The following RBM19 variants were observed in gnomAD, a reference collection of about 807,000 sequenced individuals.
The protein encoded by RBM19 is probable RNA-binding protein 19.
A neutral mutation model predicts 116.8 loss-of-function variants in RBM19; 94 were observed. The observed-to-expected ratio is 0.80, with a 90% CI of 0.68 to 0.95. The LOEUF is 0.95. Ranked by LOEUF, RBM19 falls within the 40% of genes least tolerant of loss-of-function variation. The pLI is 0.00. For synonymous variants in RBM19, 475 were observed against 494.1 expected, an observed-to-expected ratio of 0.96 and a Z score of 0.51; for missense variants, 1,161 against 1,220.7, an observed-to-expected ratio of 0.95 and a Z score of 0.73.
intron 2 of RBM19, 150 bp downstream of exon 2, chr12:113,962,082 T>C: frequency 1.1e-6 from 1 of 939,062 alleles, no homozygotes; most frequent in Non-Finnish European, 1.6e-6. Context: ...AGGTGATTTG[T>C]ATGCACATGA....
At chr12:113,838,147 G>T (rs897530547) in intron 23 of RBM19, among the ~76,000 whole-genome samples, 21 of 152,208 alleles carry the variant, frequency 1.4e-4, no homozygotes, top group African/African-American at 1.7e-4. Context: ...ACACTGGGAG[G>T]GAACCCACCC....
chr12:113,887,063 A>C (rs1451610761), intron 21 of RBM19, among the ~76,000 whole-genome samples: 1 of 152,254 alleles, frequency 6.6e-6, no homozygotes, highest in African/African-American at 2.4e-5. Context: ...AAAAATCACA[A>C]GAATAACATT....
chr12:113,895,707 A>G (rs1324160028), intron 21 of RBM19, among the ~76,000 whole-genome samples: 3 of 152,164 alleles, frequency 2.0e-5, no homozygotes, highest in African/African-American at 7.2e-5. Context: ...GTGGCAGTGG[A>G]TGAAAGGATA....
At chr12:113,917,580 GA>G (rs2135858097) in intron 20 of RBM19, among the ~76,000 whole-genome samples, 2 of 152,262 alleles carry the variant, frequency 1.3e-5, no homozygotes, top group South Asian at 4.1e-4. Flanking sequence ...TAACAACAAA[GA>G]AAGAAGGAAA....
chr12:113,934,140 A>C (rs758245895), intron 16 of RBM19, among the ~76,000 whole-genome samples: 9 of 152,098 alleles, frequency 5.9e-5, no homozygotes, highest in Admixed American at 1.3e-4. Flanking sequence ...TTTTGTAGAA[A>C]TAGGGTTTTG....
At chr12:113,949,948 G>T in intron 9 of RBM19, 135 bp downstream of exon 9, 1 of 780,098 alleles carries the variant, frequency 1.3e-6, no homozygotes, top group Non-Finnish European at 2.1e-6. Flanking sequence ...CATGTCCCCA[G>T]TGCCTAGAAC....
intron 7 of RBM19, 102 bp from the exon 8 acceptor site, chr12:113,952,692 G>A: frequency 1.1e-6 from 1 of 898,672 alleles, no homozygotes; most frequent in Non-Finnish European, 1.8e-6. Flanking sequence ...ATTACAAAGT[G>A]TTTCATTCTT....
chr12:113,879,431 T>TTTTA (rs1555234780), intron 21 of RBM19, among the ~76,000 whole-genome samples: 11 of 132,630 alleles, frequency 8.3e-5, no homozygotes, highest in African/African-American at 1.6e-4. Flanking sequence ...TACATACATT[T>TTTTA]TATATATATA....
intron 16 of RBM19, among the ~76,000 whole-genome samples, chr12:113,929,410 C>G (rs1869405242): frequency 6.6e-6 from 1 of 150,392 alleles, no homozygotes; most frequent in South Asian, 2.1e-4. Context: ...ACTCAGATAC[C>G]AGCACAAAAA....
At chr12:113,831,617 C>G (rs1324817930) in intron 23 of RBM19, among the ~76,000 whole-genome samples, 1 of 152,206 alleles carries the variant, frequency 6.6e-6, no homozygotes, top group Non-Finnish European at 1.5e-5. Flanking sequence ...CCCCGTTAGC[C>G]CTAGCAGGGA....
chr12:113,832,833 C>T (rs1435879406), intron 23 of RBM19, among the ~76,000 whole-genome samples: 1 of 152,188 alleles, frequency 6.6e-6, no homozygotes, highest in Non-Finnish European at 1.5e-5. Flanking sequence ...AGTTTTAAAG[C>T]CCGATGATTA....
intron 21 of RBM19, among the ~76,000 whole-genome samples, chr12:113,859,857 T>C (rs990831434): frequency 3.3e-5 from 5 of 151,906 alleles, no homozygotes; most frequent in African/African-American, 1.2e-4. Context: ...CACACACATA[T>C]GCACGATGGT....
intron 16 of RBM19, among the ~76,000 whole-genome samples, chr12:113,936,417 G>A (rs894026999): frequency 1.3e-5 from 2 of 152,208 alleles, no homozygotes; most frequent in Non-Finnish European, 2.9e-5. Context: ...AGGACTGGGG[G>A]CACTCGTGAC....
intron 21 of RBM19, among the ~76,000 whole-genome samples, chr12:113,887,634 C>CAAAAAAAAAAAAAA: frequency 1.4e-5 from 1 of 71,156 alleles, no homozygotes; most frequent in Non-Finnish European, 2.5e-5. Context: ...GACTCCATCT[C>CAAAAAAAAAAAAAA]AAAAAAAAAA....
intron 21 of RBM19, among the ~76,000 whole-genome samples, chr12:113,890,670 T>C (rs1225018202): frequency 6.6e-6 from 1 of 152,216 alleles, no homozygotes; most frequent in East Asian, 1.9e-4. Context: ...AAGTGCTGGC[T>C]TCTCCCCATT....
intron 22 of RBM19, among the ~76,000 whole-genome samples, chr12:113,847,424 C>T (rs1042399772): frequency 2.6e-5 from 4 of 152,018 alleles, no homozygotes; most frequent in Non-Finnish European, 2.9e-5. Context: ...TATAAAAATG[C>T]ATCTGGACTC....
At chr12:113,895,416 G>C (rs963690820) in intron 21 of RBM19, among the ~76,000 whole-genome samples, 9 of 152,152 alleles carry the variant, frequency 5.9e-5, no homozygotes, top group African/African-American at 2.2e-4. Flanking sequence ...CTGTGAAATG[G>C]GCTGCCTGGC....
At chr12:113,829,648 G>C (rs551621560) in intron 23 of RBM19, among the ~76,000 whole-genome samples, 160 of 152,332 alleles carry the variant, frequency 1.1e-3, no homozygotes, top group African/African-American at 3.6e-3. Flanking sequence ...GGACGAGGTG[G>C]GACCTGAGTG....
At chr12:113,838,403 AAC>A (rs2135707811) in intron 23 of RBM19, among the ~76,000 whole-genome samples, 1 of 152,310 alleles carries the variant, frequency 6.6e-6, no homozygotes, top group East Asian at 1.9e-4. Flanking sequence ...CCATGGGGAG[AAC>A]ACACAAACTC....
Sources: gnomAD v4.1 joint callset for allele counts (sites outside exome capture counted in the v4.1 genomes callset) on GRCh38, gnomAD v4.1.1 for gene constraint, MANE v1.5 for transcripts, NCBI Gene and HGNC (gene_info 2026-07-23, HGNC 2026-07-21) for gene names.